Variants in PCDH15 observed in about 807,000 individuals in gnomAD.
PCDH15 encodes protocadherin related 15, also known as protocadherin-15.
In PCDH15, 129 loss-of-function variants were observed where a neutral mutation model predicts 178.5. That is an observed-to-expected ratio of 0.72 (90% CI 0.63 to 0.84). PCDH15 has a LOEUF of 0.84. Ranked by LOEUF, PCDH15 falls within the 40% of genes least tolerant of loss-of-function variation. The pLI, the probability that PCDH15 is intolerant of heterozygous loss-of-function variation, is 0.00. For missense variants in PCDH15, 2,230 were observed against 2,099.9 expected, an observed-to-expected ratio of 1.06 and a Z score of -1.21; for synonymous variants, 800 against 732.0, an observed-to-expected ratio of 1.09 and a Z score of -1.50.
intron 1 of PCDH15, among the ~76,000 whole-genome samples, chr10:54,697,685 A>AGGGAGGAAGGG (rs2095253216): frequency 1.3e-5 from 1 of 75,708 alleles, no homozygotes; most frequent in African/African-American, 5.1e-5. Context: ...GGAAGGGAGG[A>AGGGAGGAAGGG]AGGGAGGAAG....
At chr10:54,277,670 C>T (rs71491002) in intron 8 of PCDH15, among the ~76,000 whole-genome samples, 39,229 of 151,330 alleles carry the variant, frequency 0.26, 6,379 homozygotes, top group Middle Eastern at 0.39. Context: ...AAGAGGGAGA[C>T]GTTGTGAAAT....
chr10:54,304,866 C>A (rs1174795518), intron 8 of PCDH15, among the ~76,000 whole-genome samples: 2 of 150,552 alleles, frequency 1.3e-5, no homozygotes, highest in Non-Finnish European at 3.0e-5. Context: ...GTTTATTTCC[C>A]TTTTTTTTTG....
chr10:55,200,350 C>T (rs1468448687), intron 1 of PCDH15, among the ~76,000 whole-genome samples: 2 of 152,024 alleles, frequency 1.3e-5, no homozygotes, highest in African/African-American at 4.8e-5. Flanking sequence ...TTGCAAGGGG[C>T]CTGTAGCCTC....
chr10:55,350,228 C>CATATATATATATATATATATAT, intron 2 of PCDH15, among the ~76,000 whole-genome samples: 1 of 73,466 alleles, frequency 1.4e-5, no homozygotes, highest in Non-Finnish European at 2.9e-5. Context: ...TATATAAACT[C>CATATATATATATATATATATAT]ATATATATAT....
At chr10:54,763,372 C>T (rs1948120347) in intron 1 of PCDH15, among the ~76,000 whole-genome samples, 1 of 152,024 alleles carries the variant, frequency 6.6e-6, no homozygotes, top group African/African-American at 2.4e-5. Context: ...TTTCAAATTT[C>T]AATAAGGGTA....
chr10:54,743,770 G>A (rs1443238149), intron 1 of PCDH15, among the ~76,000 whole-genome samples: 2 of 150,212 alleles, frequency 1.3e-5, no homozygotes, highest in African/African-American at 2.4e-5. Flanking sequence ...GCTAAAATTT[G>A]TCTTTATCCC....
chr10:55,437,187 CA>C (rs1231265193), intron 2 of PCDH15, among the ~76,000 whole-genome samples: 1 of 151,750 alleles, frequency 6.6e-6, no homozygotes, highest in Non-Finnish European at 1.5e-5. Flanking sequence ...TCCAGATTTA[CA>C]GAGGAAGCAG....
chr10:53,953,395 C>A (rs1020877527), intron 23 of PCDH15, among the ~76,000 whole-genome samples: 8 of 152,078 alleles, frequency 5.3e-5, no homozygotes, highest in Non-Finnish European at 1.0e-4. Context: ...ACTATAACAG[C>A]CCTACAAAGC....
At chr10:53,816,730 C>T (rs1225249653) in intron 34 of PCDH15, among the ~76,000 whole-genome samples, 2 of 152,092 alleles carry the variant, frequency 1.3e-5, no homozygotes, top group Non-Finnish European at 2.9e-5. Flanking sequence ...ACACACAAAA[C>T]GATAAAGTTG....
chr10:54,189,838 T>A (rs2048804178), intron 11 of PCDH15, among the ~76,000 whole-genome samples: 1 of 151,890 alleles, frequency 6.6e-6, no homozygotes. Context: ...ATATTATGGG[T>A]TATTTTGAAA....
intron 1 of PCDH15, among the ~76,000 whole-genome samples, chr10:54,754,942 CTTTTTTT>C (rs35143502): frequency 2.4e-4 from 8 of 33,858 alleles, no homozygotes; most frequent in South Asian, 2.1e-3. Flanking sequence ...GTTTTTCTTT[CTTTTTTT>C]TTTTTTTTTT....
chr10:54,325,711 T>A (rs1050325065), intron 7 of PCDH15, among the ~76,000 whole-genome samples: 2 of 152,018 alleles, frequency 1.3e-5, no homozygotes, highest in African/African-American at 4.8e-5. Context: ...ATCATGCCAC[T>A]GCACTCTAGC....
chr10:54,327,675 A>T (rs1261035902), intron 7 of PCDH15, among the ~76,000 whole-genome samples: 1 of 151,856 alleles, frequency 6.6e-6, no homozygotes, highest in Non-Finnish European at 1.5e-5. Context: ...ACATTTTTTC[A>T]TGTTAACTTC....
chr10:54,836,271 T>A (rs952131804), intron 3 of PCDH15, among the ~76,000 whole-genome samples: 1 of 152,114 alleles, frequency 6.6e-6, no homozygotes, highest in Admixed American at 6.6e-5. Flanking sequence ...GACTGAATGA[T>A]CAGAAATGGA....
chr10:55,202,080 G>C (rs1402283749), intron 1 of PCDH15, among the ~76,000 whole-genome samples: 1 of 152,054 alleles, frequency 6.6e-6, no homozygotes, highest in Non-Finnish European at 1.5e-5. Context: ...ATAATGCTGA[G>C]AGACTAGTAT....
In PCDH15 at chr10:54,090,045, C is replaced by T; in HGVS notation, c.1936G>A (p.Asp646Asn). ...LNLQATDREG[D>N]SITYAIENGD... The stretch of plus-strand genomic sequence containing the variant: ...TTCTCAATGGCATATGTTATTGAGT[C>T]TCCCTCTCGATCAGTTGCCTTCAGA... Residue 646 changes from aspartate (D) to asparagine (N), a missense_variant, in exon 16 of 38, where the codon GAC (aspartate) becomes AAC (asparagine). Coordinates refer to ENST00000644397, the MANE Select transcript of PCDH15 (RefSeq NM_001384140.1). 6.2e-7 allele frequency: 1 copy of T among 1,611,768 alleles called. No homozygotes were observed. Among genetic ancestry groups the T allele is most frequent in the Non-Finnish European group, 8.5e-7 (1 of 1,178,304 alleles).
intron 34 of PCDH15, among the ~76,000 whole-genome samples, chr10:53,817,224 T>A (rs2076091765): frequency 6.6e-6 from 1 of 152,182 alleles, no homozygotes; most frequent in Admixed American, 6.5e-5. Context: ...CGTATACTTC[T>A]CTTGATTGAG....
chr10:55,332,119 T>C (rs1291090751), intron 2 of PCDH15, among the ~76,000 whole-genome samples: 4 of 152,158 alleles, frequency 2.6e-5, no homozygotes, highest in Non-Finnish European at 5.9e-5. Context: ...AAGACCAATA[T>C]GGTTTATTAG....
chr10:55,263,286 C>T (rs762609386), intron 1 of PCDH15, among the ~76,000 whole-genome samples: 1 of 152,102 alleles, frequency 6.6e-6, no homozygotes, highest in Non-Finnish European at 1.5e-5. Flanking sequence ...TGGCTTTTAT[C>T]TCTTCCTTTA....
Sources: allele counts gnomAD v4.1 joint callset (sites outside exome capture counted in the v4.1 genomes callset), GRCh38; gene constraint gnomAD v4.1.1; transcripts MANE v1.5; gene names NCBI Gene and HGNC (gene_info 2026-07-23, HGNC 2026-07-21).